The following DISP3 variants were observed in gnomAD, a reference collection of about 807,000 sequenced individuals.
DISP3 encodes dispatched RND transporter family member 3.
In DISP3, 101 loss-of-function variants were observed where a neutral mutation model predicts 135.3. That is an observed-to-expected ratio of 0.75 (90% confidence interval 0.64 to 0.88). The LOEUF (loss-of-function observed/expected upper bound fraction) is 0.88. DISP3 is among the 40% of genes least tolerant of loss of function. The pLI is 0.00. For synonymous variants in DISP3, 856 were observed against 817.0 expected (o/e 1.05, Z -0.81); for missense variants, 1,713 against 1,878.6 (o/e 0.91, Z 1.63).
chr1:11,521,808 T>C (rs2100478667), intron 10 of DISP3, among the ~76,000 whole-genome samples: 1 of 152,164 alleles, frequency 6.6e-6, no homozygotes, highest in South Asian at 2.1e-4. Context: ...TCTGGCCCAG[T>C]GGACTGGGAT....
intron 17 of DISP3, among the ~76,000 whole-genome samples, chr1:11,532,245 G>A (rs1044015374): frequency 2.0e-5 from 3 of 152,248 alleles, no homozygotes; most frequent in African/African-American, 4.8e-5. Context: ...GGGGACTCTC[G>A]GCCCTGGCAC....
intron 1 of DISP3, among the ~76,000 whole-genome samples, chr1:11,481,063 T>A (rs61775774): frequency 0.15 from 21,905 of 144,398 alleles, 1,759 homozygotes; most frequent in East Asian, 0.34. Context: ...TCTCTCTCTC[T>A]CACACACATA....
rs1642150573 is a variant in DISP3, at chr1:11,520,384, G to A, written c.2201-303G>A. 6.6e-6 allele frequency among the ~76,000 whole-genome samples: 1 copy of A among 152,152 alleles called. No homozygotes were observed. The highest frequency in any genetic ancestry group is 2.4e-5 in the African/African-American group (1 of 41,416). ...CTATTTCAGAGTTGTGTGAGATCAAGTAGTGCACCAGCTCGTCATAAACTA... is the reference window on the plus strand; with the variant it reads ...CTATTTCAGAGTTGTGTGAGATCAAATAGTGCACCAGCTCGTCATAAACTA... On this transcript the variant is annotated intron_variant, in intron 9 of 20. Transcript: ENST00000294484. This position sits in a 1 kb window ranked among gnomAD's most constrained non-coding sequence, Gnocchi z 4.8.
At chr1:11,515,637 T>C in intron 5 of DISP3, 134 bp downstream of exon 5, 2 of 1,342,030 alleles carry the variant, frequency 1.5e-6, no homozygotes, top group Non-Finnish European at 2.0e-6. Context: ...AGCCTTGGAG[T>C]GCAGGGTTAG....
At chr1:11,534,876 A>G (rs201453909) in intron 18 of DISP3, 135 bp from the exon 19 acceptor site, 276 of 867,376 alleles carry the variant, frequency 3.2e-4, no homozygotes, top group Middle Eastern at 2.3e-3. Flanking sequence ...CAAGGCCGGT[A>G]GGGTAGGTCC....
chr1:11,526,513 C>T (rs56140312), intron 12 of DISP3, 138 bp from the exon 13 acceptor site: 1 of 979,486 alleles, frequency 1.0e-6, no homozygotes, highest in Non-Finnish European at 1.6e-6. Flanking sequence ...AAGCCTCTGC[C>T]CAGGGCTCTG....
chr1:11,488,669 T>TGTG (rs1293557612), intron 1 of DISP3, among the ~76,000 whole-genome samples: 1 of 101,598 alleles, frequency 9.8e-6, no homozygotes, highest in African/African-American at 3.2e-5. Context: ...GTGTGTGTGT[T>TGTG]TGCAGACACG....
chr1:11,536,626 CT>C lies in DISP3; in HGVS notation c.4120del (p.Cys1374AlafsTer151). 16 of 1,606,312 alleles carry C rather than the reference CT, an allele frequency of 1.0e-5. No individual in the cohort carries two copies. The highest frequency in any genetic ancestry group is 1.4e-5 in the Non-Finnish European group (16 of 1,177,710). On this transcript the variant is annotated frameshift_variant, in exon 21 of 21. Transcript: ENST00000294484. LOFTEE classifies it high-confidence loss of function. This position sits in a 1 kb window ranked among gnomAD's most constrained non-coding sequence, Gnocchi z 4.3. ...LLAGALGLGA[C>X]LVLLQSGYKI... ...TGGCAGGGGCCCTGGGGCTGGGTGC[CT>C]GCCTCGTGCTCCTGCAGAGCGGCTA...
intron 11 of DISP3, among the ~76,000 whole-genome samples, chr1:11,524,499 C>A (rs1642350193): frequency 6.6e-6 from 1 of 152,020 alleles, no homozygotes; most frequent in Admixed American, 6.5e-5. Flanking sequence ...CCAGCACCAG[C>A]CCTGTACCAA....
chr1:11,517,753 T>C, intron 7 of DISP3, 151 bp downstream of exon 7: 6 of 1,076,834 alleles, frequency 5.6e-6, no homozygotes, highest in Non-Finnish European at 7.8e-6. Context: ...TTCCATCCAA[T>C]AACTGCAATT....
chr1:11,490,594 A>G (rs111547265), intron 1 of DISP3, among the ~76,000 whole-genome samples: 1 of 151,958 alleles, frequency 6.6e-6, no homozygotes, highest in African/African-American at 2.4e-5. Context: ...TTAAGCTTCC[A>G]TTGTCTTTTC....
chr1:11,507,131 G>C (rs1641726522), intron 3 of DISP3, among the ~76,000 whole-genome samples: 1 of 152,186 alleles, frequency 6.6e-6, no homozygotes, highest in East Asian at 1.9e-4. Flanking sequence ...CAGAGGTCCA[G>C]ACGATGTTAT....
rs148915330 is a variant in DISP3, at chr1:11,512,395, A to G, written c.1317-1995A>G. Among the ~76,000 whole-genome samples, 514 of 152,294 alleles carry G rather than the reference A, an allele frequency of 3.4e-3. 4 individuals are homozygous for G. The highest frequency in any genetic ancestry group is 0.011 in the African/African-American group (469 of 41,566). ...GCTGCTTAGAAATTTCTTCTGCCAG[A>G]TACCCTGAATCATCTCTCTCAAGTT... is the stretch of plus-strand genomic sequence containing the variant. On this transcript the variant is annotated intron_variant, in intron 3 of 20. Coordinates refer to ENST00000294484, the MANE Select transcript of DISP3 (RefSeq NM_020780.2).
rs569146930 is a variant in DISP3, at chr1:11,535,758, C to G, written c.3816+114C>G. The G allele has an allele frequency of 1.4e-4, 182 of 1,346,604 alleles. 2 individuals carry two copies. Among genetic ancestry groups the G allele is most frequent in the Middle Eastern group, 7.8e-4 (3 of 3,822 alleles). 83.4% of individuals were successfully genotyped at this position (1,346,604 alleles called of 1,614,324 possible). ...ACATCCCAGCACCAGGACCCCCATG[C>G]AGGCTGTGTTCTAGAAACTAAGGTT... On this transcript the variant is annotated intron_variant, in intron 20 of 20. Transcript: ENST00000294484.
intron 4 of DISP3, 126 bp from the exon 5 acceptor site, chr1:11,515,243 A>G: frequency 7.5e-7 from 1 of 1,336,574 alleles, no homozygotes; most frequent in Non-Finnish European, 1.0e-6. Flanking sequence ...TGCTGGGAAC[A>G]GAGTGGTGAA....
rs1188728775 is a variant in DISP3, at chr1:11,491,053, A to G, written c.-3-9937A>G. 6.6e-6 allele frequency among the ~76,000 whole-genome samples: 1 copy of G among 152,170 alleles called. No individual in the cohort carries two copies. The highest frequency in any genetic ancestry group is 1.9e-4 in the East Asian group (1 of 5,192). ...CCCCTGTCTGGCTGGCCCAAATGCC[A>G]TCATTTCTTCCCTCCCCATGGATGG... On this transcript the variant is annotated intron_variant, in intron 1 of 20. Coordinates refer to ENST00000294484, the MANE Select transcript of DISP3 (RefSeq NM_020780.2). This position sits in a 1 kb window ranked among gnomAD's most constrained non-coding sequence, Gnocchi z 4.3.
rs1451561816 is a variant in DISP3 at position 11,502,175 on chromosome 1, C to T, written c.1096+87C>T. ...ATTTGGCCCAGGCCAGGCCCAGGCC[C>T]AGGCCCAGGCCCAGTCAGTCTGGAA... On this transcript the variant is annotated intron_variant, in intron 2 of 20. Transcript: ENST00000294484. 9 of 1,473,862 alleles carry T rather than the reference C, an allele frequency of 6.1e-6. No individual in the cohort carries two copies. In the African/African-American group the frequency reaches 1.3e-4, roughly 21 times the overall value. 91.3% of individuals were successfully genotyped at this position (1,473,862 alleles called of 1,614,324 possible).
intron 13 of DISP3, among the ~76,000 whole-genome samples, chr1:11,527,316 G>A (rs555571691): frequency 4.6e-5 from 7 of 152,234 alleles, no homozygotes; most frequent in Non-Finnish European, 7.4e-5. Context: ...TCGGGAGGCC[G>A]AGGTGGGCGG....
In DISP3 at chr1:11,501,561, C is replaced by A. The variant is rs935340538; in HGVS notation, c.569C>A (p.Ser190Tyr). The change falls in exon 2 of 21, where the codon TCC (serine) becomes TAC (tyrosine). Residue 190 changes from serine (S) to tyrosine (Y), a missense_variant. Ser to Tyr is a moderately radical substitution (Grantham distance 144). Coordinates refer to ENST00000294484, the MANE Select transcript of DISP3 (RefSeq NM_020780.2). The surrounding 1 kb of genome is among the most constrained non-coding windows in gnomAD (Gnocchi z 4.9). ...LGGPGPYRDT[S>Y]AAQKPTANRS... ...GGCCCAGGCCCTTACCGGGACACTT[C>A]CGCGGCTCAAAAGCCCACAGCCAAT... 3 of 1,588,242 alleles carry A rather than the reference C, an allele frequency of 1.9e-6. No individual in the cohort carries two copies. The highest frequency in any genetic ancestry group is 1.7e-5 in the Admixed American group (1 of 57,442).
Sources: allele counts gnomAD v4.1 joint callset (sites outside exome capture counted in the v4.1 genomes callset), GRCh38; gene constraint gnomAD v4.1.1; non-coding constraint Gnocchi (gnomAD v3.1); transcripts MANE v1.5; gene names NCBI Gene and HGNC (gene_info 2026-07-23, HGNC 2026-07-21).